LAMP5: variants seen among roughly 807,000 people sequenced by gnomAD.
LAMP5 encodes the protein lysosome associated membrane protein 5.
A neutral mutation model predicts 30.2 loss-of-function variants in LAMP5; 36 were observed. The observed-to-expected ratio is 1.19, with a 90% CI of 0.91 to 1.57. The LOEUF (loss-of-function observed/expected upper bound fraction) is 1.57. Ranked by LOEUF, LAMP5 falls within the 40% of genes most tolerant of loss-of-function variation. The pLI is 0.00. For synonymous variants in LAMP5, 149 were observed against 134.6 expected (o/e 1.11, Z -0.74); for missense variants, 377 against 354.9 (o/e 1.06, Z -0.50).
chr20:9,527,395 A>G (rs1474876822), intron 5 of LAMP5, among the ~76,000 whole-genome samples: 1 of 152,142 alleles, frequency 6.6e-6, no homozygotes, highest in African/African-American at 2.4e-5. Flanking sequence ...TTTAGGGACT[A>G]AGAATGTCAA....
intron 5 of LAMP5, among the ~76,000 whole-genome samples, chr20:9,528,351 G>T (rs2045128180): frequency 6.6e-6 from 1 of 151,818 alleles, no homozygotes; most frequent in African/African-American, 2.4e-5. Context: ...GGGGAGAGTG[G>T]ACTAAAGAGA....
chr20:9,528,637 G>A (rs1180005143), intron 5 of LAMP5, among the ~76,000 whole-genome samples: 1 of 152,010 alleles, frequency 6.6e-6, no homozygotes, highest in Non-Finnish European at 1.5e-5. Flanking sequence ...AAATAACAAA[G>A]TAATCAACAA....
intron 5 of LAMP5, among the ~76,000 whole-genome samples, chr20:9,524,609 AAAAAAAAC>A (rs2045100395): frequency 6.7e-6 from 1 of 149,860 alleles, no homozygotes; most frequent in South Asian, 2.1e-4. Context: ...AAAAAAAAAA[AAAAAAAAC>A]AAACAAAAAA....
chr20:9,515,933 C>T, intron 2 of LAMP5, 67 bp from the exon 3 acceptor site: 4 of 1,425,250 alleles, frequency 2.8e-6, no homozygotes, highest in South Asian at 1.6e-5. Context: ...TTTGGACGCG[C>T]CGCCCTTTAC....
At chr20:9,522,950 T>C (rs968963710) in intron 5 of LAMP5, among the ~76,000 whole-genome samples, 1 of 151,926 alleles carries the variant, frequency 6.6e-6, no homozygotes, top group African/African-American at 2.4e-5. Context: ...CTTATAATTT[T>C]TTTCTTCTCT....
At chr20:9,516,972 A>G (rs2045045179) in intron 4 of LAMP5, among the ~76,000 whole-genome samples, 1 of 152,102 alleles carries the variant, frequency 6.6e-6, no homozygotes, top group Non-Finnish European at 1.5e-5. Context: ...CCAAATAACA[A>G]TATTCCTATC....
intron 5 of LAMP5, among the ~76,000 whole-genome samples, chr20:9,522,387 G>C (rs1229237190): frequency 6.6e-6 from 1 of 152,170 alleles, no homozygotes; most frequent in Non-Finnish European, 1.5e-5. Flanking sequence ...TGAAGGGTTT[G>C]CTGATCCAGA....
chr20:9,526,325 G>A (rs893151410), intron 5 of LAMP5, among the ~76,000 whole-genome samples: 2 of 152,096 alleles, frequency 1.3e-5, no homozygotes, highest in African/African-American at 4.8e-5. Context: ...AGAAAAAATT[G>A]TATGAGGTTG....
intron 5 of LAMP5, among the ~76,000 whole-genome samples, chr20:9,519,705 T>G (rs1476188184): frequency 6.6e-6 from 1 of 152,244 alleles, no homozygotes; most frequent in South Asian, 2.1e-4. Context: ...AATTGGACTA[T>G]GTAATGTCAG....
At chr20:9,526,860 GTATATATATATATATA>G (rs201564418) in intron 5 of LAMP5, among the ~76,000 whole-genome samples, 1,415 of 80,214 alleles carry the variant, frequency 0.018, 44 homozygotes, top group South Asian at 0.076. Flanking sequence ...GTGTGTGTGT[GTATATATATATATATA>G]TATATATATA....
intron 5 of LAMP5, among the ~76,000 whole-genome samples, chr20:9,521,347 C>T (rs2045078524): frequency 6.6e-6 from 1 of 152,178 alleles, no homozygotes; most frequent in African/African-American, 2.4e-5. Flanking sequence ...TGGGTAACAG[C>T]TGTTGCATGA....
At chr20:9,515,103 G>A in intron 1 of LAMP5, 187 bp downstream of exon 1, 2 of 639,610 alleles carry the variant, frequency 3.1e-6, no homozygotes, top group Admixed American at 2.6e-5. Context: ...TCCCCTGAGA[G>A]CCATACACCT....
intron 5 of LAMP5, among the ~76,000 whole-genome samples, chr20:9,526,858 G>GTATATATA (rs1378670592): frequency 1.1e-5 from 1 of 90,640 alleles, no homozygotes; most frequent in Non-Finnish European, 2.3e-5. Context: ...ATGTGTGTGT[G>GTATATATA]TGTATATATA....
intron 5 of LAMP5, 75 bp from the exon 6 acceptor site, chr20:9,529,567 C>G: frequency 1.4e-6 from 2 of 1,444,924 alleles, no homozygotes; most frequent in South Asian, 2.7e-5. Flanking sequence ...CCTCCATTTC[C>G]CTTTTTGTTT....
chr20:9,521,350 T>C (rs879808191), intron 5 of LAMP5, among the ~76,000 whole-genome samples: 5 of 152,154 alleles, frequency 3.3e-5, no homozygotes, highest in Non-Finnish European at 5.9e-5. Flanking sequence ...GTAACAGCTG[T>C]TGCATGAGGT....
chr20:9,516,342 C>A lies in LAMP5; in HGVS notation c.456C>A (p.His152Gln). 1 of 1,614,072 alleles carries A rather than the reference C, an allele frequency of 6.2e-7. No homozygotes were observed. Among genetic ancestry groups the A allele is most frequent in the South Asian group, 1.1e-5 (1 of 91,082 alleles). The change falls in exon 4 of 6, where the codon CAC becomes CAA. Residue 152 changes from histidine (H) to glutamine (Q), a missense_variant. Coordinates refer to ENST00000246070, the MANE Select transcript of LAMP5 (RefSeq NM_012261.4). ...TCTACGACTCCTCGGAGAAAACCCA[C>A]TTCAAAGACGCAGTCAGTGGTGAGT... ...QFVYDSSEKT[H>Q]FKDAVSAGKH...
At chr20:9,519,933 C>G (rs2045068286) in intron 5 of LAMP5, among the ~76,000 whole-genome samples, 1 of 152,148 alleles carries the variant, frequency 6.6e-6, no homozygotes, top group Non-Finnish European at 1.5e-5. Context: ...GAAATCAAAC[C>G]TCATAGATTT....
Position 9,514,702 on chromosome 20 carries a change from T to A in LAMP5, c.-151T>A. The A allele has an allele frequency of 1.6e-6, 1 of 644,968 alleles. No individual in the cohort carries two copies. Among genetic ancestry groups the A allele is most frequent in the Non-Finnish European group, 2.7e-6 (1 of 369,284 alleles). The allele number at this position is 644,968 out of a possible 1,614,324, so 40.0% of individuals were successfully genotyped here. On this transcript the variant is annotated 5_prime_UTR_variant, in exon 1 of 6. Coordinates refer to ENST00000246070, the MANE Select transcript of LAMP5 (RefSeq NM_012261.4). ...GCCGCGCTCGACACCGAGTCCTAGC[T>A]AGGCGCTCACAGAATACGCGCTCCC...
At chr20:9,529,328 C>CTTTTAATAAAAAGTTAAA (rs550721601) in intron 5 of LAMP5, among the ~76,000 whole-genome samples, 2,409 of 152,186 alleles carry the variant, frequency 0.016, 24 homozygotes, top group Middle Eastern at 0.031. Flanking sequence ...AATGAATCAA[C>CTTTTAATAAAAAGTTAAA]AATAAAAACA....
Sources: gnomAD v4.1 joint callset for allele counts (sites outside exome capture counted in the v4.1 genomes callset) on GRCh38, gnomAD v4.1.1 for gene constraint, MANE v1.5 for transcripts, NCBI Gene and HGNC (gene_info 2026-07-23, HGNC 2026-07-21) for gene names.